RUNDC3B: variants seen among roughly 807,000 people sequenced by gnomAD.
RUNDC3B encodes the protein RUN domain-containing protein 3B.
Under a neutral mutation model 58.4 loss-of-function variants are expected in RUNDC3B, and 33 were observed. The observed-to-expected ratio is 0.56, with a 90% CI of 0.43 to 0.75. The LOEUF (loss-of-function observed/expected upper bound fraction) is 0.75. RUNDC3B is among the 30% of genes least tolerant of loss of function. The pLI, the probability that RUNDC3B is intolerant of heterozygous loss-of-function variation, is 0.00. For synonymous variants in RUNDC3B, 193 were observed against 195.2 expected, an observed-to-expected ratio of 0.99 and a Z score of 0.10; for missense variants, 501 against 535.7, an observed-to-expected ratio of 0.94 and a Z score of 0.64.
chr7:87,697,221 T>G (rs1457980236), intron 2 of RUNDC3B, among the ~76,000 whole-genome samples: 2 of 152,228 alleles, frequency 1.3e-5, no homozygotes, highest in African/African-American at 4.8e-5. Flanking sequence ...CCACTATAGG[T>G]GGTTGCCATT....
Position 87,807,442 on chromosome 7 carries a change from T to C in RUNDC3B, c.1026T>C (p.Pro342=). The change falls in exon 9 of 11, where the codon CCT becomes CCC. Residue 342 remains proline, a synonymous_variant. Transcript: ENST00000394654. ...ELTAHLTNQW[P]SPGALDVNAV... ...CTGCCCATCTCACCAACCAGTGGCC[T>C]TCTCCAGGAGCTCTGGATGTCAATG... is the stretch of plus-strand genomic sequence containing the variant. The C allele has an allele frequency of 6.2e-7, 1 of 1,613,454 alleles. No homozygotes were observed.
Position 87,650,849 on chromosome 7 carries a change from G to T in RUNDC3B, c.150G>T (p.Arg50=), listed in dbSNP as rs1823503987. 3.1e-6 allele frequency: 5 copies of T among 1,611,876 alleles called. No homozygotes were observed. Among genetic ancestry groups the T allele is most frequent in the Non-Finnish European group, 4.2e-6 (5 of 1,178,290 alleles). ...CRFSVKTLID[R]SCFETIDDSS... ...TTTCTGTGAAGACCCTGATTGATCG[G>T]TCTTGCTTTGAGACAATTGATGATT... The change falls in exon 2 of 11, where the codon CGG becomes CGT. Residue 50 remains arginine, a synonymous_variant. Coordinates refer to ENST00000394654, the MANE Select transcript of RUNDC3B (RefSeq NM_001134405.2).
chr7:87,743,090 G>C (rs1832435368), intron 6 of RUNDC3B, among the ~76,000 whole-genome samples: 1 of 151,580 alleles, frequency 6.6e-6, no homozygotes, highest in African/African-American at 2.4e-5. Context: ...CCCCAACCTG[G>C]GTGACAGAGC....
chr7:87,675,814 A>T (rs764004493), intron 2 of RUNDC3B, among the ~76,000 whole-genome samples: 7 of 152,096 alleles, frequency 4.6e-5, no homozygotes, highest in African/African-American at 1.7e-4. Context: ...ACTAAAAGAA[A>T]ATATAGGGGA....
chr7:87,662,420 A>AT lies in RUNDC3B; in HGVS notation c.238+11489dup, dbSNP rs571475543. On this transcript the variant is annotated intron_variant, in intron 2 of 10. Transcript: ENST00000394654. The stretch of plus-strand genomic sequence containing the variant: ...TCAGTATTTAATCCATTTTGATTTG[A>AT]TTTTTTGTATACAGTGAGAGAGAGG... 2.6e-5 allele frequency among the ~76,000 whole-genome samples: 4 copies of AT among 151,974 alleles called. No individual in the cohort carries two copies. In the South Asian group the frequency reaches 8.3e-4, roughly 32 times the overall value.
intron 1 of RUNDC3B, among the ~76,000 whole-genome samples, chr7:87,635,594 C>T (rs536949027): frequency 7.9e-5 from 12 of 152,262 alleles, no homozygotes; most frequent in African/African-American, 2.9e-4. Context: ...TCTAGCTCTA[C>T]TATGCCACTA....
At position 87,823,833 on chromosome 7, in the gene RUNDC3B, T is replaced by C. The variant is rs1394677567; in HGVS notation, c.1226-6052T>C. ...ACACACACACACACACATATATATATACACACTCACCTACATACATACATA... is the reference window on the plus strand; with the variant it reads ...ACACACACACACACACATATATATACACACACTCACCTACATACATACATA... On this transcript the variant is annotated intron_variant, in intron 10 of 10. Coordinates refer to ENST00000394654, the MANE Select transcript of RUNDC3B (RefSeq NM_001134405.2). 4.6e-5 allele frequency among the ~76,000 whole-genome samples: 7 copies of C among 151,342 alleles called. No individual in the cohort carries two copies. In the East Asian group the frequency reaches 1.0e-3, roughly 22 times the overall value.
intron 1 of RUNDC3B, among the ~76,000 whole-genome samples, chr7:87,642,318 A>G (rs1360746807): frequency 6.6e-6 from 1 of 152,022 alleles, no homozygotes; most frequent in Non-Finnish European, 1.5e-5. Context: ...TGAAGACTAT[A>G]TGTTATGGTT....
At chr7:87,710,440 A>T in intron 3 of RUNDC3B, 130 bp from the exon 4 acceptor site, 1 of 602,588 alleles carries the variant, frequency 1.7e-6, no homozygotes, top group Non-Finnish European at 2.9e-6. Context: ...CTACTTAAAC[A>T]TTTTTCTTAG....
intron 4 of RUNDC3B, among the ~76,000 whole-genome samples, chr7:87,720,705 A>C (rs1383534896): frequency 6.6e-6 from 1 of 150,982 alleles, no homozygotes; most frequent in Non-Finnish European, 1.5e-5. Flanking sequence ...GGTTCAAATG[A>C]TTCTCCTGAC....
chr7:87,657,382 G>A (rs371351065), intron 2 of RUNDC3B, among the ~76,000 whole-genome samples: 5 of 152,078 alleles, frequency 3.3e-5, no homozygotes, highest in Admixed American at 6.6e-5. Flanking sequence ...CTTTTCAGCC[G>A]TATCTGCTCT....
At chr7:87,713,922 T>C (rs1474176235) in intron 4 of RUNDC3B, among the ~76,000 whole-genome samples, 2 of 152,182 alleles carry the variant, frequency 1.3e-5, no homozygotes, top group Non-Finnish European at 2.9e-5. Context: ...ATTATATCAG[T>C]ATTTAATTTA....
chr7:87,693,272 G>T (rs1158353568), intron 2 of RUNDC3B, among the ~76,000 whole-genome samples: 2 of 152,092 alleles, frequency 1.3e-5, no homozygotes, highest in Non-Finnish European at 2.9e-5. Flanking sequence ...GTTTTTGATA[G>T]AGTAGGCATT....
At chr7:87,777,434 C>A (rs1326297728) in intron 7 of RUNDC3B, among the ~76,000 whole-genome samples, 1 of 152,180 alleles carries the variant, frequency 6.6e-6, no homozygotes, top group African/African-American at 2.4e-5. Context: ...ATGTTAATGT[C>A]TATGTGTTTT....
intron 3 of RUNDC3B, among the ~76,000 whole-genome samples, chr7:87,708,644 T>C (rs948633064): frequency 6.6e-6 from 1 of 152,152 alleles, no homozygotes; most frequent in Non-Finnish European, 1.5e-5. Context: ...CTTTTTTTTC[T>C]TTTTTTAAAC....
chr7:87,818,678 T>C (rs1031711348), intron 10 of RUNDC3B, among the ~76,000 whole-genome samples: 2 of 152,132 alleles, frequency 1.3e-5, no homozygotes, highest in Admixed American at 1.3e-4. Context: ...ACAAGCAGGC[T>C]CTCATGCTCC....
At chr7:87,790,635 AG>A (rs1324176022) in intron 8 of RUNDC3B, among the ~76,000 whole-genome samples, 1 of 152,088 alleles carries the variant, frequency 6.6e-6, no homozygotes, top group Non-Finnish European at 1.5e-5. Flanking sequence ...TTTAACAAAG[AG>A]ATTGAAATAA....
intron 8 of RUNDC3B, among the ~76,000 whole-genome samples, chr7:87,799,607 G>A (rs1247302454): frequency 6.6e-6 from 1 of 152,016 alleles, no homozygotes; most frequent in African/African-American, 2.4e-5. Flanking sequence ...AATTACACAA[G>A]GCCAGGCGCG....
At chr7:87,668,987 C>T (rs190276650) in intron 2 of RUNDC3B, among the ~76,000 whole-genome samples, 16 of 151,842 alleles carry the variant, frequency 1.1e-4, no homozygotes, top group South Asian at 2.1e-4. Context: ...GAGGTGTATC[C>T]GAGCCTTTTG....
Sources: allele counts gnomAD v4.1 joint callset (sites outside exome capture counted in the v4.1 genomes callset), GRCh38; gene constraint gnomAD v4.1.1; transcripts MANE v1.5; gene names NCBI Gene and HGNC (gene_info 2026-07-23, HGNC 2026-07-21).